The following LAMA4 variants were observed in gnomAD, a reference collection of about 807,000 sequenced individuals.
LAMA4 encodes the protein laminin subunit alpha-4.
LAMA4 carries 127 observed loss-of-function variants against 207.1 expected under a neutral mutation model. That is an observed-to-expected ratio of 0.61 (90% CI 0.53 to 0.71). LAMA4 has a LOEUF of 0.71. Among genes scored for constraint, LAMA4 ranks in the 30% least tolerant of loss-of-function variants. LAMA4 has a pLI of 0.00. For synonymous variants in LAMA4, 761 were observed against 816.0 expected (o/e 0.93, Z 1.15); for missense variants, 2,093 against 2,246.5 (o/e 0.93, Z 1.38).
chr6:112,236,317 G>A (rs1442595524), intron 2 of LAMA4: 1 of 152,120 alleles, frequency 6.6e-6, no homozygotes, highest in Non-Finnish European at 1.5e-5. Context: ...GGAGACTTTG[G>A]GCTTATCATT....
chr6:112,254,048 CA>C lies in LAMA4; in HGVS notation c.102del (p.Phe34LeufsTer164). 1.2e-6 allele frequency: 2 copies of C among 1,603,338 alleles called. No individual in the cohort carries two copies. Among genetic ancestry groups the C allele is most frequent in the Non-Finnish European group, 1.7e-6 (2 of 1,175,048 alleles). On this transcript the variant is annotated frameshift_variant, in exon 2 of 39. Transcript: ENST00000230538. LOFTEE classifies it high-confidence loss of function. ...AASGDDNAFPFDIEGSSAVGR... is the reference protein window; with the variant it reads ...AASGDDNAFPXDIEGSSAVGR... The stretch of plus-strand genomic sequence containing the variant: ...CCAACCGCTGAGCTCCCTTCAATGT[CA>C]AAAGGAAAAGCGTTGTCGTCCCCGG...
chr6:112,200,207 T>C (rs1554351786), intron 5 of LAMA4: 3 of 524,102 alleles, frequency 5.7e-6, no homozygotes, highest in South Asian at 2.9e-5. Flanking sequence ...CAGAGCAGTT[T>C]AGAAAAAGAG....
Position 112,112,473 on chromosome 6 carries a change from G to C in LAMA4, c.5326+1603C>G, listed in dbSNP as rs141358609. 2.2e-3 allele frequency among the ~76,000 whole-genome samples: 338 copies of C among 152,324 alleles called. 1 individual carries two copies. The highest frequency in any genetic ancestry group is 7.0e-3 in the African/African-American group (290 of 41,570). ...TAATCCTGGAGGCTCTTGGGAACCT[G>C]TGAAACATTTTAAACTGTGTTGTGA... On this transcript the variant is annotated intron_variant, in intron 38 of 38. Coordinates refer to ENST00000230538, the MANE Select transcript of LAMA4 (RefSeq NM_001105206.3).
chr6:112,178,101 C>A lies in LAMA4; in HGVS notation c.1189+20G>T. 1 of 1,515,804 alleles carries A rather than the reference C, an allele frequency of 6.6e-7. No individual in the cohort carries two copies. The highest frequency in any genetic ancestry group is 9.2e-7 in the Non-Finnish European group (1 of 1,090,448). The allele number at this position is 1,515,804 out of a possible 1,614,324, so 93.9% of individuals were successfully genotyped here. On this transcript the variant is annotated intron_variant, in intron 10 of 38. Coordinates refer to ENST00000230538, the MANE Select transcript of LAMA4 (RefSeq NM_001105206.3). ...AGTGTTTCCTTGATATTAAACTGAACCAGAAGAGAATATATTTACCTTGGA... is the reference window on the plus strand; with the variant it reads ...AGTGTTTCCTTGATATTAAACTGAAACAGAAGAGAATATATTTACCTTGGA...
At chr6:112,214,317 C>G (rs1322371232) in intron 3 of LAMA4, among the ~76,000 whole-genome samples, 1 of 151,990 alleles carries the variant, frequency 6.6e-6, no homozygotes, top group Admixed American at 6.5e-5. Context: ...CTCCTAAACT[C>G]AAGTGATCCT....
Position 112,139,876 on chromosome 6 carries a change from T to C in LAMA4, c.2986A>G (p.Ser996Gly), listed in dbSNP as rs1327096507. The C allele has an allele frequency of 2.5e-6, 4 of 1,614,034 alleles. No homozygotes were observed. The highest frequency in any genetic ancestry group is 1.1e-5 in the South Asian group (1 of 91,082). ...GVPSNFKLPTSLNLPGFVGCL... is the reference protein window; with the variant it reads ...GVPSNFKLPTGLNLPGFVGCL... ...CCAACAAAGCCAGGCAGGTTTAAGC[T>C]GGTAGGGAGCTATGCAATAGAAAAA... is the stretch of plus-strand genomic sequence containing the variant. The change falls in exon 23 of 39, where the codon AGC becomes GGC. Residue 996 changes from serine to glycine, a missense_variant. By Grantham distance (56) the Ser-to-Gly change is moderately conservative (BLOSUM62 0). This residue lies in a region of LAMA4 where 1,704 missense variants were observed against 1,788.4 expected (regional missense o/e 0.95). Coordinates refer to ENST00000230538, the MANE Select transcript of LAMA4 (RefSeq NM_001105206.3).
At position 112,122,080 on chromosome 6, in the gene LAMA4, T is replaced by A. The variant is rs1554326304; in HGVS notation, c.4409A>T (p.Tyr1470Phe). The change falls in exon 32 of 39, where the codon TAT (tyrosine) becomes TTT (phenylalanine). Residue 1470 changes from tyrosine (Y) to phenylalanine (F), a missense_variant. By Grantham distance (22) the Tyr-to-Phe change is conservative (BLOSUM62 3). This residue lies in a region of LAMA4 where 383 missense variants were observed against 437.8 expected (regional missense o/e 0.87). Coordinates refer to ENST00000230538, the MANE Select transcript of LAMA4 (RefSeq NM_001105206.3). ...GCTGTTGGCTGTTCCTCCATATTGA[T>A]AGGCGTGCTCTATTGCTCTAGGGCT... ...SNSPRAIEHAYQYGGTANSRQ... is the reference protein window; with the variant it reads ...SNSPRAIEHAFQYGGTANSRQ... 3 of 1,614,026 alleles carry A rather than the reference T, an allele frequency of 1.9e-6. No homozygotes were observed. Among genetic ancestry groups the A allele is most frequent in the Non-Finnish European group, 2.5e-6 (3 of 1,179,934 alleles).
At chr6:112,164,240 A>C (rs1781258114) in intron 13 of LAMA4, 2 of 152,410 alleles carry the variant, frequency 1.3e-5, no homozygotes, top group African/African-American at 4.8e-5. Context: ...GAGCTGCTTA[A>C]GGAGGGAAGA....
At chr6:112,198,366 A>T (rs1318486562) in intron 5 of LAMA4, among the ~76,000 whole-genome samples, 1 of 152,262 alleles carries the variant, frequency 6.6e-6, no homozygotes, top group Non-Finnish European at 1.5e-5. Flanking sequence ...ACAGATATCC[A>T]TACAAATCAG....
intron 16 of LAMA4, among the ~76,000 whole-genome samples, chr6:112,154,488 A>G (rs1780584074): frequency 6.6e-6 from 1 of 152,184 alleles, no homozygotes; most frequent in Non-Finnish European, 1.5e-5. Context: ...TTGTTCAAGA[A>G]AGAGGAAATT....
At chr6:112,242,729 T>TCTGA (rs1475846757) in intron 2 of LAMA4, among the ~76,000 whole-genome samples, 1 of 152,134 alleles carries the variant, frequency 6.6e-6, no homozygotes, top group Non-Finnish European at 1.5e-5. Flanking sequence ...CACCAACAAT[T>TCTGA]CTGACTTCGA....
chr6:112,180,025 C>T (rs1782259904), intron 9 of LAMA4: 2 of 435,774 alleles, frequency 4.6e-6, no homozygotes, highest in South Asian at 3.5e-5. Flanking sequence ...AATATTACTC[C>T]TCCCTGCTTT....
At chr6:112,164,054 C>G (rs1781245566) in intron 13 of LAMA4, 1 of 152,248 alleles carries the variant, frequency 6.6e-6, no homozygotes. Flanking sequence ...AGCAGGAAGC[C>G]AAGTCACCAG....
intron 2 of LAMA4, among the ~76,000 whole-genome samples, chr6:112,238,570 C>T (rs377496901): frequency 6.6e-6 from 1 of 151,824 alleles, no homozygotes; most frequent in African/African-American, 2.4e-5. Context: ...ATTAGTCAGG[C>T]GTACTGGGCA....
intron 12 of LAMA4, among the ~76,000 whole-genome samples, chr6:112,166,767 G>C (rs1781406295): frequency 6.6e-6 from 1 of 152,114 alleles, no homozygotes; most frequent in Non-Finnish European, 1.5e-5. Context: ...ACAGAAAAGT[G>C]GTCAACTTGA....
intron 8 of LAMA4, chr6:112,186,966 TGAGA>T: frequency 2.2e-6 from 1 of 446,314 alleles, no homozygotes; most frequent in Non-Finnish European, 4.5e-6. Flanking sequence ...TATGAGAAAA[TGAGA>T]GAGAATGTGT....
At chr6:112,214,424 T>C (rs903181926) in intron 3 of LAMA4, among the ~76,000 whole-genome samples, 1 of 152,086 alleles carries the variant, frequency 6.6e-6, no homozygotes, top group African/African-American at 2.4e-5. Context: ...TATAAGAATA[T>C]ATCTATATGT....
chr6:112,168,499 C>T (rs1554340823), intron 12 of LAMA4, among the ~76,000 whole-genome samples: 1 of 151,900 alleles, frequency 6.6e-6, no homozygotes, highest in African/African-American at 2.4e-5. Flanking sequence ...GTGCCCACCA[C>T]CATGCCCAGC....
At position 112,122,180 on chromosome 6, in the gene LAMA4, G is replaced by A. The variant is rs781998824; in HGVS notation, c.4309C>T (p.Pro1437Ser). Residue 1437 changes from proline to serine, a missense_variant, in exon 32 of 39, where the codon CCT becomes TCT. Coordinates refer to ENST00000230538, the MANE Select transcript of LAMA4 (RefSeq NM_001105206.3). Reference sequence around the variant, plus strand: ...TTCAGAGCAACAGGATCCCATGAAGGTGCATCTTTACTTTTCCCTCCCTAT... The same window carrying A: ...TTCAGAGCAACAGGATCCCATGAAGATGCATCTTTACTTTTCCCTCCCTAT... ...NKKGGKSKDA[P>S]SWDPVALKLP... The A allele has an allele frequency of 8.7e-6, 14 of 1,613,608 alleles. No individual in the cohort carries two copies. The highest frequency in any genetic ancestry group is 1.2e-5 in the Non-Finnish European group (14 of 1,179,750).
Sources: allele counts gnomAD v4.1 joint callset (sites outside exome capture counted in the v4.1 genomes callset), GRCh38; gene constraint gnomAD v4.1.1; regional missense constraint gnomAD v4.1.1; transcripts MANE v1.5; gene names NCBI Gene and HGNC (gene_info 2026-07-23, HGNC 2026-07-21).